SULT1E1: variants seen among roughly 807,000 people sequenced by gnomAD.
SULT1E1 encodes sulfotransferase family 1E member 1, also known as sulfotransferase 1E1.
Under a neutral mutation model 33.6 loss-of-function variants are expected in SULT1E1, and 36 were observed. That is an observed-to-expected ratio of 1.07 (90% confidence interval 0.82 to 1.41). The LOEUF (loss-of-function observed/expected upper bound fraction) is 1.41, where lower values mean the gene tolerates loss of function less well. Among genes scored for constraint, SULT1E1 ranks in the 40% most tolerant of loss-of-function variants. SULT1E1 has a pLI of 0.00. For missense variants in SULT1E1, 371 were observed against 345.7 expected, an observed-to-expected ratio of 1.07 and a Z score of -0.58; for synonymous variants, 121 against 111.7, an observed-to-expected ratio of 1.08 and a Z score of -0.53.
At chr4:69,831,878 T>C in the SULT1E1 span, among the ~76,000 whole-genome samples, 3 of 152,120 alleles carry the variant, frequency 2.0e-5, no homozygotes, top group Non-Finnish European at 2.9e-5. Flanking sequence ...GATCTGTGTC[T>C]CCCCACATTA....
chr4:69,832,962 C>T, the SULT1E1 span, among the ~76,000 whole-genome samples: 1 of 152,152 alleles, frequency 6.6e-6, no homozygotes, highest in Non-Finnish European at 1.5e-5. Flanking sequence ...AGGGCACATC[C>T]CTTTGAGCTC....
intron 7 of SULT1E1, among the ~76,000 whole-genome samples, chr4:69,843,848 A>G (rs1720926473): frequency 1.3e-5 from 2 of 152,266 alleles, no homozygotes; most frequent in South Asian, 4.1e-4. Context: ...TAAAGGAACT[A>G]TATGATACAT....
chr4:69,842,075 T>C lies in SULT1E1; in HGVS notation c.804A>G (p.Thr268=). 2 of 1,610,558 alleles carry C rather than the reference T, an allele frequency of 1.2e-6. No homozygotes were observed. The highest frequency in any genetic ancestry group is 1.1e-5 in the South Asian group (1 of 90,334). The change falls in exon 8 of 8, where the codon ACA becomes ACG. Residue 268 remains threonine, a synonymous_variant. Transcript: ENST00000226444. ...TATCAAATTTTTCATTCAGGGCTAC[T>C]GTAAAGTGATTTTTCCAGTCTCCTG... The part of the protein sequence containing the change: ...GITGDWKNHF[T]VALNEKFDKH...
At position 69,857,873 on chromosome 4, in the gene SULT1E1, C is replaced by CT. The variant is rs1353484462; in HGVS notation, c.-9-221_-9-220insA. 3.9e-5 allele frequency among the ~76,000 whole-genome samples: 6 copies of CT among 152,154 alleles called. No individual in the cohort carries two copies. In the South Asian group the frequency reaches 1.0e-3, roughly 26 times the overall value. On this transcript the variant is annotated intron_variant, in intron 1 of 7. Transcript: ENST00000226444. ...TAACACATAAAAGAATAGGAAAGCA[C>CT]AAGTGATTATGAAGTAAAATGCTTA...
chr4:69,823,122 C>T, the SULT1E1 span, among the ~76,000 whole-genome samples: 10 of 152,300 alleles, frequency 6.6e-5, no homozygotes, highest in East Asian at 1.9e-3. Context: ...CCAGCAGACT[C>T]AACGTCCAAA....
At chr4:69,842,326 C>G (rs538527810) in intron 7 of SULT1E1, among the ~76,000 whole-genome samples, 4 of 152,160 alleles carry the variant, frequency 2.6e-5, no homozygotes. Context: ...TTCTCTGATT[C>G]TTTCTTCTTA....
At chr4:69,857,836 TAGAA>T (rs528451046) in intron 1 of SULT1E1, among the ~76,000 whole-genome samples, 183 bp from the exon 2 acceptor site, 218 of 152,252 alleles carry the variant, frequency 1.4e-3, no homozygotes, top group African/African-American at 5.2e-3. Flanking sequence ...TTAACCTTAT[TAGAA>T]AGATGTCTAA....
intron 4 of SULT1E1, among the ~76,000 whole-genome samples, chr4:69,852,193 A>G (rs1412488554): frequency 3.3e-5 from 5 of 152,068 alleles, no homozygotes; most frequent in African/African-American, 1.2e-4. Flanking sequence ...ATCTGATGCT[A>G]TTTCTAAGCT....
In SULT1E1 at chr4:69,844,281, G is replaced by T. The variant is rs779280969; in HGVS notation, c.652C>A (p.Leu218Ile). 4.3e-6 allele frequency: 7 copies of T among 1,613,762 alleles called. No individual in the cohort carries two copies. The highest frequency in any genetic ancestry group is 4.5e-5 in the East Asian group (2 of 44,842). ...GTATGATGTATAATCCTGTCCACAA[G>T]CTCCTCTGATGGCTTCCTTTCCAGG... is the stretch of plus-strand genomic sequence containing the variant. ...HFLERKPSEE[L>I]VDRIIHHTSF... Residue 218 changes from leucine to isoleucine, a missense_variant, in exon 7 of 8, where the codon CTT (leucine) becomes ATT (isoleucine). Coordinates refer to ENST00000226444, the MANE Select transcript of SULT1E1 (RefSeq NM_005420.3).
At chr4:69,831,673 G>C in the SULT1E1 span, among the ~76,000 whole-genome samples, 1 of 152,210 alleles carries the variant, frequency 6.6e-6, no homozygotes, top group African/African-American at 2.4e-5. Context: ...CCTTTACGAT[G>C]TGCACTCGCT....
chr4:69,847,734 T>TG lies in SULT1E1; in HGVS notation c.554dup (p.Arg186ThrfsTer88), dbSNP rs1164688027. ...CTTCGTAGAAAAGAAATAGTACACG[T>TG]GGACTCTTTCCCTTTTCCCACCAAG... On this transcript the variant is annotated frameshift_variant, in exon 6 of 8. Transcript: ENST00000226444. LOFTEE classifies it high-confidence loss of function. 1.2e-6 allele frequency: 2 copies of TG among 1,609,656 alleles called. No individual in the cohort carries two copies. The highest frequency in any genetic ancestry group is 1.7e-6 in the Non-Finnish European group (2 of 1,177,174).
chr4:69,842,119 A>C lies in SULT1E1; in HGVS notation c.773-13T>G, dbSNP rs371384979. The C allele has an allele frequency of 6.6e-5, 97 of 1,460,248 alleles. No homozygotes were observed. Among genetic ancestry groups the C allele is most frequent in the Middle Eastern group, 1.7e-4 (1 of 5,780 alleles). The allele number at this position is 1,460,248 out of a possible 1,614,324, so 90.5% of individuals were successfully genotyped here. A position where few individuals can be genotyped will look rare whatever the true frequency, so the allele number is the denominator to read the frequency against. ...TCTCCTGTAATTCCTGTAACAAAAA[A>C]GAAAGCTCAATAAATATTAAGTCTT... On this transcript the variant is annotated splice_polypyrimidine_tract_variant and intron_variant, in intron 7 of 7. Coordinates refer to ENST00000226444, the MANE Select transcript of SULT1E1 (RefSeq NM_005420.3).
chr4:69,839,308 T>A (rs1720841782), downstream of SULT1E1, among the ~76,000 whole-genome samples: 1 of 152,146 alleles, frequency 6.6e-6, no homozygotes, highest in Non-Finnish European at 1.5e-5. Context: ...CAACATAACA[T>A]AAAAGGCATC....
chr4:69,825,829 G>A, the SULT1E1 span, among the ~76,000 whole-genome samples: 1 of 152,122 alleles, frequency 6.6e-6, no homozygotes, highest in African/African-American at 2.4e-5. Context: ...CCTAATGCCT[G>A]TCAGACAAAC....
chr4:69,847,842 G>T, intron 5 of SULT1E1, 50 bp from the exon 6 acceptor site: 1 of 1,090,696 alleles, frequency 9.2e-7, no homozygotes, highest in Non-Finnish European at 1.4e-6. Context: ...CTCTAAAACT[G>T]CTCGAAAACT....
At chr4:69,844,375 C>G (rs762003490) in intron 6 of SULT1E1, 34 bp from the exon 7 acceptor site, 26 of 1,511,930 alleles carry the variant, frequency 1.7e-5, no homozygotes, top group Non-Finnish European at 2.1e-5. Context: ...AACTAAATTG[C>G]TAAAACTGAA....
At chr4:69,846,440 T>C (rs991118520) in intron 6 of SULT1E1, among the ~76,000 whole-genome samples, 1 of 151,206 alleles carries the variant, frequency 6.6e-6, no homozygotes, top group Non-Finnish European at 1.5e-5. Flanking sequence ...AGCTGATGTG[T>C]ATATTTAGTG....
At chr4:69,833,355 T>C in the SULT1E1 span, among the ~76,000 whole-genome samples, 2 of 152,320 alleles carry the variant, frequency 1.3e-5, no homozygotes, top group South Asian at 2.1e-4. Flanking sequence ...AGTATTACAA[T>C]AGAGTGGCCA....
chr4:69,850,519 T>C (rs1439568228), intron 4 of SULT1E1, among the ~76,000 whole-genome samples: 1 of 152,106 alleles, frequency 6.6e-6, no homozygotes, highest in Non-Finnish European at 1.5e-5. Flanking sequence ...TTTATAGCCC[T>C]CTTGTAAAAG....
Sources: allele counts gnomAD v4.1 joint callset (sites outside exome capture counted in the v4.1 genomes callset), GRCh38; gene constraint gnomAD v4.1.1; transcripts MANE v1.5; gene names NCBI Gene and HGNC (gene_info 2026-07-23, HGNC 2026-07-21).